Variants in LRRC4C observed in about 807,000 individuals in gnomAD.
LRRC4C encodes leucine rich repeat containing 4C.
Under a neutral mutation model 33.6 loss-of-function variants are expected in LRRC4C, and 5 were observed. That is an observed-to-expected ratio of 0.15 (90% CI 0.08 to 0.31). LRRC4C has a LOEUF of 0.31. LRRC4C is among the 10% of genes least tolerant of loss of function. LRRC4C has a pLI of 1.00. For missense variants in LRRC4C, 560 were observed against 796.7 expected (o/e 0.70, Z 3.58); for synonymous variants, 329 against 302.0 (o/e 1.09, Z -0.93).
intron 1 of LRRC4C, among the ~76,000 whole-genome samples, chr11:41,105,881 CTT>C (rs1186208190): frequency 1.3e-5 from 2 of 152,052 alleles, no homozygotes; most frequent in Non-Finnish European, 2.9e-5. Flanking sequence ...TAATAAAGGA[CTT>C]TTCTAAACAT....
intron 1 of LRRC4C, among the ~76,000 whole-genome samples, chr11:41,114,302 T>C (rs574258293): frequency 5.3e-5 from 8 of 152,216 alleles, no homozygotes; most frequent in African/African-American, 1.9e-4. Flanking sequence ...AAGTAAATTC[T>C]AGAATTCCAG....
intron 2 of LRRC4C, among the ~76,000 whole-genome samples, chr11:40,743,515 A>C (rs1200587373): frequency 1.3e-5 from 2 of 152,040 alleles, no homozygotes; most frequent in Non-Finnish European, 2.9e-5. Flanking sequence ...TATAGAGGCC[A>C]CCTATATTAT....
chr11:40,410,271 A>T (rs1950110093), intron 3 of LRRC4C, among the ~76,000 whole-genome samples: 1 of 152,166 alleles, frequency 6.6e-6, no homozygotes, highest in Admixed American at 6.6e-5. Flanking sequence ...ATTATAATAT[A>T]TCTTACTTAA....
At chr11:40,233,945 A>G (rs1471841064) in intron 5 of LRRC4C, among the ~76,000 whole-genome samples, 1 of 152,064 alleles carries the variant, frequency 6.6e-6, no homozygotes, top group East Asian at 1.9e-4. Context: ...TCACATTTAT[A>G]CTCTTATTTA....
chr11:41,153,607 C>T (rs147968751), intron 1 of LRRC4C, among the ~76,000 whole-genome samples: 3,028 of 152,262 alleles, frequency 0.02, 39 homozygotes, highest in South Asian at 0.043. Context: ...AACTAGCTCA[C>T]CATCATCACC....
intron 1 of LRRC4C, among the ~76,000 whole-genome samples, chr11:41,320,292 G>T (rs572146952): frequency 1.3e-5 from 2 of 152,164 alleles, no homozygotes. Flanking sequence ...TGATTTAGCC[G>T]ATGGTAATCC....
In LRRC4C at chr11:40,500,498, C is replaced by T. The variant is rs575439005; in HGVS notation, c.-270+147644G>A. 4.9e-4 allele frequency among the ~76,000 whole-genome samples: 74 copies of T among 151,922 alleles called. 1 individual carries two copies. The South Asian group carries it at 0.015, about 32-fold the overall frequency. On this transcript the variant is annotated intron_variant, in intron 3 of 6. Transcript: ENST00000528697. Reference sequence around the variant, plus strand: ...TCAGTTTAATGGTGTCACAGTTCCACGTGGCTCAGGAGGCCTCACAATCAT... The same window carrying T: ...TCAGTTTAATGGTGTCACAGTTCCATGTGGCTCAGGAGGCCTCACAATCAT...
chr11:40,210,815 C>G (rs1191031841), intron 5 of LRRC4C, among the ~76,000 whole-genome samples: 1 of 152,196 alleles, frequency 6.6e-6, no homozygotes, highest in Non-Finnish European at 1.5e-5. Flanking sequence ...CTCTGTCACC[C>G]TGGCTGGAGT....
At chr11:40,990,938 T>C (rs1435017553) in intron 1 of LRRC4C, among the ~76,000 whole-genome samples, 1 of 152,110 alleles carries the variant, frequency 6.6e-6, no homozygotes, top group African/African-American at 2.4e-5. Flanking sequence ...AATTGTACAG[T>C]TGATTTGTCA....
chr11:41,124,704 AT>A (rs1446460828), intron 1 of LRRC4C, among the ~76,000 whole-genome samples: 2 of 152,330 alleles, frequency 1.3e-5, no homozygotes, highest in East Asian at 1.9e-4. Flanking sequence ...CGTTAAAAAA[AT>A]GTTTCCTCTA....
At chr11:41,215,460 C>T (rs181791606) in intron 1 of LRRC4C, among the ~76,000 whole-genome samples, 24 of 148,178 alleles carry the variant, frequency 1.6e-4, no homozygotes, top group African/African-American at 6.0e-4. Flanking sequence ...TGCACTCCAG[C>T]CTGGGTGACA....
intron 2 of LRRC4C, among the ~76,000 whole-genome samples, chr11:40,733,231 A>G (rs1172537612): frequency 4.0e-5 from 6 of 151,246 alleles, no homozygotes; most frequent in Admixed American, 2.0e-4. Context: ...GCCTGCCACC[A>G]CACCCGGCTA....
intron 1 of LRRC4C, among the ~76,000 whole-genome samples, chr11:41,109,865 C>A (rs1941728224): frequency 6.6e-6 from 1 of 151,966 alleles, no homozygotes; most frequent in African/African-American, 2.4e-5. Flanking sequence ...GGAATACTTT[C>A]CTCAACTTTA....
intron 2 of LRRC4C, among the ~76,000 whole-genome samples, chr11:40,861,175 T>C (rs1954078101): frequency 6.6e-6 from 1 of 152,132 alleles, no homozygotes; most frequent in South Asian, 2.1e-4. Context: ...ACCCTCAAAA[T>C]ATAGCTGAGA....
intron 1 of LRRC4C, among the ~76,000 whole-genome samples, chr11:41,059,687 T>G (rs560558722): frequency 1.3e-5 from 2 of 152,118 alleles, no homozygotes; most frequent in Non-Finnish European, 2.9e-5. Flanking sequence ...TCCGAAAAAT[T>G]TGCTACTCAA....
chr11:40,679,258 A>C (rs1179173748), intron 2 of LRRC4C, among the ~76,000 whole-genome samples: 1 of 152,024 alleles, frequency 6.6e-6, no homozygotes, highest in African/African-American at 2.4e-5. Context: ...GGTGCTGTTA[A>C]AGGCACCTTT....
rs11036066 is a variant in LRRC4C, at chr11:40,759,795, G to A, written c.-406-111517C>T. On this transcript the variant is annotated intron_variant, in intron 2 of 6. Coordinates refer to ENST00000528697, the MANE Select transcript of LRRC4C (RefSeq NM_001258419.2). The stretch of plus-strand genomic sequence containing the variant: ...TATACATTTTTCCCCTTCCTGATCA[G>A]CCAACTTCCCTAAAGCAGTTACACT... Among the ~76,000 whole-genome samples, 7 of 151,524 alleles carry A rather than the reference G, an allele frequency of 4.6e-5. No homozygotes were observed. The South Asian group carries it at 1.2e-3, about 27-fold the overall frequency.
At position 40,866,809 on chromosome 11, in the gene LRRC4C, T is replaced by G. The variant is rs556838855; in HGVS notation, c.-407+66826A>C. Among the ~76,000 whole-genome samples, 23 of 152,328 alleles carry G rather than the reference T, an allele frequency of 1.5e-4. No individual in the cohort carries two copies. In the South Asian group the frequency reaches 4.3e-3, roughly 29 times the overall value. ...ATAAGGAGCTCCATAATATGACTTCTGCTCCTATTTCAAGCTTTATAGTCC... is the reference window on the plus strand; with the variant it reads ...ATAAGGAGCTCCATAATATGACTTCGGCTCCTATTTCAAGCTTTATAGTCC... On this transcript the variant is annotated intron_variant, in intron 2 of 6. Coordinates refer to ENST00000528697, the MANE Select transcript of LRRC4C (RefSeq NM_001258419.2).
chr11:40,874,056 G>A (rs1421499337), intron 2 of LRRC4C, among the ~76,000 whole-genome samples: 1 of 152,110 alleles, frequency 6.6e-6, no homozygotes, highest in Non-Finnish European at 1.5e-5. Flanking sequence ...CAGGCCAAGT[G>A]GCCATTATTA....
Sources: allele counts gnomAD v4.1 joint callset (sites outside exome capture counted in the v4.1 genomes callset), GRCh38; gene constraint gnomAD v4.1.1; transcripts MANE v1.5; gene names NCBI Gene and HGNC (gene_info 2026-07-23, HGNC 2026-07-21).